Variants in GRIK1 observed in about 807,000 individuals in gnomAD.
GRIK1 encodes the protein glutamate receptor ionotropic, kainate 1.
GRIK1 carries 69 observed loss-of-function variants against 105.7 expected under a neutral mutation model. The observed-to-expected ratio is 0.65, with a 90% CI of 0.54 to 0.80. The LOEUF is 0.80. GRIK1 is among the 30% of genes least tolerant of loss of function. The probability of loss-of-function intolerance (pLI) is 0.00; values close to 1 mark genes in which losing one functional copy is unlikely to be tolerated. For missense variants in GRIK1, 1,109 were observed against 1,167.3 expected, an observed-to-expected ratio of 0.95 and a Z score of 0.73; for synonymous variants, 438 against 431.3, an observed-to-expected ratio of 1.02 and a Z score of -0.19.
intron 7 of GRIK1, among the ~76,000 whole-genome samples, chr21:29,634,885 C>G (rs139171008): frequency 6.6e-6 from 1 of 152,254 alleles, no homozygotes; most frequent in East Asian, 1.9e-4. Context: ...ATGGTGGACA[C>G]AGGAAGCTAT....
chr21:29,911,747 G>T (rs1161974806), intron 1 of GRIK1, among the ~76,000 whole-genome samples: 2 of 151,986 alleles, frequency 1.3e-5, no homozygotes, highest in Non-Finnish European at 2.9e-5. Flanking sequence ...ATAGGAAGAT[G>T]CAATGAAAAG....
intron 1 of GRIK1, among the ~76,000 whole-genome samples, chr21:29,832,415 A>T (rs1314955791): frequency 6.6e-6 from 1 of 152,150 alleles, no homozygotes; most frequent in South Asian, 2.1e-4. Context: ...GAAGTTCTCC[A>T]TGAGGGCTCC....
At chr21:29,722,626 T>C (rs907795471) in intron 1 of GRIK1, among the ~76,000 whole-genome samples, 1 of 151,954 alleles carries the variant, frequency 6.6e-6, no homozygotes, top group Non-Finnish European at 1.5e-5. Flanking sequence ...TTTTCTTTTT[T>C]AGCCATTGTA....
chr21:29,673,401 T>C (rs972861287), intron 3 of GRIK1, among the ~76,000 whole-genome samples: 17 of 152,168 alleles, frequency 1.1e-4, no homozygotes, highest in African/African-American at 3.9e-4. Context: ...TAAATTTATT[T>C]AGAATGCAAT....
intron 14 of GRIK1, among the ~76,000 whole-genome samples, chr21:29,576,538 A>G (rs1359139175): frequency 6.6e-6 from 1 of 152,212 alleles, no homozygotes; most frequent in Non-Finnish European, 1.5e-5. Flanking sequence ...CATCAAGTAC[A>G]GGACCGAAAG....
chr21:29,665,900 G>T (rs1201383842), intron 4 of GRIK1, among the ~76,000 whole-genome samples: 2 of 152,158 alleles, frequency 1.3e-5, no homozygotes, highest in South Asian at 4.1e-4. Context: ...AGGATAAAAA[G>T]AAATCATTCC....
Position 29,709,352 on chromosome 21 carries a change from C to G in GRIK1, c.119-15289G>C, listed in dbSNP as rs187505712. Among the ~76,000 whole-genome samples the G allele has an allele frequency of 2.8e-3, 409 of 145,484 alleles. 5 individuals are homozygous for G. Among genetic ancestry groups the G allele is most frequent in the African/African-American group, 9.9e-3 (390 of 39,316 alleles). On this transcript the variant is annotated intron_variant, in intron 1 of 17. Coordinates refer to ENST00000327783, the MANE Select transcript of GRIK1 (RefSeq NM_001330994.2). The stretch of plus-strand genomic sequence containing the variant: ...TTGGAGTGCCGTGGTGCAATCTCAA[C>G]TCACTGAAACCTCCGTCTCCCGGGC...
rs1387986109 is a variant in GRIK1, at chr21:29,651,539, G to T, written c.781-248C>A. ...GAGTAGCATGAGGAAATCTTGAGCT[G>T]TCCCATGCTGTCCTGCCTGGGACAT... On this transcript the variant is annotated intron_variant, in intron 5 of 17. Coordinates refer to ENST00000327783, the MANE Select transcript of GRIK1 (RefSeq NM_001330994.2). 1.2e-4 allele frequency among the ~76,000 whole-genome samples: 19 copies of T among 152,086 alleles called. 1 individual carries two copies. The highest frequency in any genetic ancestry group is 1.2e-3 in the Admixed American group (19 of 15,260).
At chr21:29,658,058 G>A (rs931850241) in intron 4 of GRIK1, among the ~76,000 whole-genome samples, 1 of 152,036 alleles carries the variant, frequency 6.6e-6, no homozygotes, top group African/African-American at 2.4e-5. Context: ...TAGGCAGTAT[G>A]TATACTTTAT....
chr21:29,740,468 G>A (rs944564756), intron 1 of GRIK1, among the ~76,000 whole-genome samples: 1 of 152,034 alleles, frequency 6.6e-6, no homozygotes, highest in African/African-American at 2.4e-5. Context: ...TGCCCGCCTC[G>A]GTCTCCCAAA....
At chr21:29,727,876 G>T (rs529639911) in intron 1 of GRIK1, among the ~76,000 whole-genome samples, 4 of 152,158 alleles carry the variant, frequency 2.6e-5, no homozygotes, top group Non-Finnish European at 4.4e-5. Flanking sequence ...ATAATCTGCC[G>T]CCTGTAAGCG....
chr21:29,901,911 C>T (rs1004644425), intron 1 of GRIK1, among the ~76,000 whole-genome samples: 1 of 140,750 alleles, frequency 7.1e-6, no homozygotes, highest in Non-Finnish European at 1.5e-5. Context: ...AAAATACTGG[C>T]AAACCAATCC....
At position 29,683,847 on chromosome 21, in the gene GRIK1, G is replaced by A. The variant is rs552396525; in HGVS notation, c.544+5881C>T. 2.6e-5 allele frequency among the ~76,000 whole-genome samples: 4 copies of A among 152,274 alleles called. No individual in the cohort carries two copies. In the South Asian group the frequency reaches 8.3e-4, roughly 32 times the overall value. ...CATGATATGAAATACTTAATGATGG[G>A]GTTCAGCACAGTGCTACCAGGAAAT... On this transcript the variant is annotated intron_variant, in intron 3 of 17. Coordinates refer to ENST00000327783, the MANE Select transcript of GRIK1 (RefSeq NM_001330994.2).
chr21:29,754,534 C>T (rs548715195), intron 1 of GRIK1, among the ~76,000 whole-genome samples: 14 of 152,298 alleles, frequency 9.2e-5, no homozygotes, highest in Admixed American at 2.6e-4. Context: ...GAGTAATCCT[C>T]GCCCTGGGAT....
chr21:29,917,227 C>T (rs1303924898), intron 1 of GRIK1, among the ~76,000 whole-genome samples: 9 of 151,898 alleles, frequency 5.9e-5, no homozygotes, highest in East Asian at 5.8e-4. Flanking sequence ...AGACAGGCAC[C>T]GCAAAACAGA....
intron 1 of GRIK1, among the ~76,000 whole-genome samples, chr21:29,900,918 C>T (rs1363650522): frequency 1.3e-5 from 2 of 152,118 alleles, no homozygotes; most frequent in African/African-American, 4.8e-5. Flanking sequence ...TGTAAAAGAA[C>T]AGAAATCACA....
chr21:29,926,608 G>A (rs1033934737), intron 1 of GRIK1, among the ~76,000 whole-genome samples: 10 of 151,722 alleles, frequency 6.6e-5, no homozygotes, highest in African/African-American at 2.4e-4. Context: ...CACTATTGTT[G>A]TTAATTTATT....
intron 1 of GRIK1, among the ~76,000 whole-genome samples, chr21:29,820,090 C>T (rs933145601): frequency 3.9e-5 from 6 of 152,040 alleles, no homozygotes; most frequent in African/African-American, 1.4e-4. Context: ...ATACAGAGTG[C>T]TTGCCATGTG....
At chr21:29,896,305 A>T (rs1056430665) in intron 1 of GRIK1, among the ~76,000 whole-genome samples, 3 of 152,122 alleles carry the variant, frequency 2.0e-5, no homozygotes, top group Non-Finnish European at 2.9e-5. Context: ...TCCCCTGGGT[A>T]CCCTAGGTAA....
Sources: allele counts gnomAD v4.1 joint callset (sites outside exome capture counted in the v4.1 genomes callset), GRCh38; gene constraint gnomAD v4.1.1; transcripts MANE v1.5; gene names NCBI Gene and HGNC (gene_info 2026-07-23, HGNC 2026-07-21).